Variants in EPB41L4A observed in about 807,000 individuals in gnomAD.
EPB41L4A encodes the protein band 4.1-like protein 4A.
Under a neutral mutation model 108.6 loss-of-function variants are expected in EPB41L4A, and 100 were observed. The ratio of observed to expected loss-of-function variants is 0.92; its 90% CI spans 0.78 to 1.09. The LOEUF (loss-of-function observed/expected upper bound fraction) is 1.09. Among genes scored for constraint, EPB41L4A ranks in the 50% least tolerant of loss-of-function variants. EPB41L4A has a pLI of 0.00. For synonymous variants in EPB41L4A, 319 were observed against 289.0 expected, an observed-to-expected ratio of 1.10 and a Z score of -1.05; for missense variants, 1,030 against 842.7, an observed-to-expected ratio of 1.22 and a Z score of -2.75.
At chr5:112,313,837 G>A (rs372057234) in intron 1 of EPB41L4A, among the ~76,000 whole-genome samples, 2 of 144,598 alleles carry the variant, frequency 1.4e-5, no homozygotes, top group Admixed American at 6.9e-5. Context: ...CTCCCCAACC[G>A]CTCCAAAAAA....
intron 12 of EPB41L4A, among the ~76,000 whole-genome samples, chr5:112,229,324 A>C (rs760145670): frequency 6.6e-6 from 1 of 152,212 alleles, no homozygotes; most frequent in African/African-American, 2.4e-5. Flanking sequence ...GCAAAGTCTA[A>C]AATATTCATT....
chr5:112,369,781 C>T (rs558834459), intron 1 of EPB41L4A, among the ~76,000 whole-genome samples: 1 of 152,276 alleles, frequency 6.6e-6, no homozygotes, highest in South Asian at 2.1e-4. Flanking sequence ...CAGCTGAACA[C>T]AGTCCCCTTG....
intron 1 of EPB41L4A, among the ~76,000 whole-genome samples, chr5:112,352,610 G>A (rs1758116197): frequency 6.6e-6 from 1 of 152,208 alleles, no homozygotes; most frequent in Admixed American, 6.5e-5. Flanking sequence ...TTATTAATGT[G>A]TGAGAATTTA....
chr5:112,254,154 ATT>A (rs1470448990), intron 9 of EPB41L4A, among the ~76,000 whole-genome samples: 2 of 152,160 alleles, frequency 1.3e-5, no homozygotes, highest in African/African-American at 4.8e-5. Flanking sequence ...TCTTTCATTT[ATT>A]TCACAAGTGT....
At chr5:112,323,010 G>C (rs1266888059) in intron 1 of EPB41L4A, among the ~76,000 whole-genome samples, 1 of 128,086 alleles carries the variant, frequency 7.8e-6, no homozygotes, top group East Asian at 3.6e-4. Context: ...AAAGCTATTT[G>C]ATTTCTGAAA....
chr5:112,395,460 GA>G (rs1761266248), intron 1 of EPB41L4A, among the ~76,000 whole-genome samples: 1 of 152,206 alleles, frequency 6.6e-6, no homozygotes, highest in Admixed American at 6.5e-5. Flanking sequence ...CTTCTCAAAA[GA>G]AGACATTTAT....
Position 112,170,807 on chromosome 5 carries a change from C to T in EPB41L4A, c.1670+138G>A. ...GTTAAGGCACCACCACCATGTGCTC[C>T]ATGTGCCTGCCACACACAGTGGCAA... On this transcript the variant is annotated intron_variant, in intron 19 of 22. Transcript: ENST00000261486. The T allele has an allele frequency of 5.5e-6, 4 of 725,934 alleles. No homozygotes were observed. The South Asian group carries it at 7.0e-5, about 13-fold the overall frequency. The allele number at this position is 725,934 out of a possible 1,614,324, so 45.0% of individuals were successfully genotyped here.
intron 15 of EPB41L4A, among the ~76,000 whole-genome samples, chr5:112,198,406 A>G (rs546950846): frequency 2.0e-5 from 3 of 152,264 alleles, no homozygotes; most frequent in African/African-American, 7.2e-5. Context: ...TGCCCCCTCC[A>G]AATCTTTAGA....
intron 2 of EPB41L4A, among the ~76,000 whole-genome samples, chr5:112,287,374 C>T (rs1164762166): frequency 6.6e-6 from 1 of 152,214 alleles, no homozygotes. Context: ...TCTCTTCTAT[C>T]CATCTGCAAA....
intron 1 of EPB41L4A, among the ~76,000 whole-genome samples, chr5:112,387,171 T>C (rs1760603683): frequency 6.6e-6 from 1 of 152,216 alleles, no homozygotes; most frequent in Admixed American, 6.5e-5. Context: ...AGTTCCATCG[T>C]GGCCAGATCC....
chr5:112,314,237 A>G (rs1026059401), intron 1 of EPB41L4A, among the ~76,000 whole-genome samples: 2 of 151,932 alleles, frequency 1.3e-5, no homozygotes, highest in African/African-American at 4.8e-5. Flanking sequence ...TTATATACCA[A>G]TGTGGAAGCT....
intron 1 of EPB41L4A, among the ~76,000 whole-genome samples, chr5:112,389,102 G>A (rs557021335): frequency 4.7e-4 from 71 of 152,068 alleles, no homozygotes; most frequent in African/African-American, 1.4e-3. Flanking sequence ...CAGAAGATTC[G>A]GAGAACAACA....
chr5:112,379,017 G>A lies in EPB41L4A; in HGVS notation c.99+39924C>T, dbSNP rs149508977. 4.6e-3 allele frequency among the ~76,000 whole-genome samples: 708 copies of A among 152,260 alleles called. 2 individuals are homozygous for A. Among genetic ancestry groups the A allele is most frequent in the Middle Eastern group, 0.014 (4 of 294 alleles). On this transcript the variant is annotated intron_variant, in intron 1 of 22. Coordinates refer to ENST00000261486, the MANE Select transcript of EPB41L4A (RefSeq NM_022140.5). ...CAGGTGTCTATGAGCGTGCAGGGGT[G>A]TACAGATGTGCACATACACAAACAC...
intron 15 of EPB41L4A, among the ~76,000 whole-genome samples, chr5:112,202,180 G>A (rs760055078): frequency 3.9e-5 from 6 of 152,080 alleles, no homozygotes; most frequent in African/African-American, 4.8e-5. Flanking sequence ...TTCTTTGTTC[G>A]GCTACAGTGG....
At chr5:112,417,575 T>C (rs1207115736) in intron 1 of EPB41L4A, among the ~76,000 whole-genome samples, 4 of 152,228 alleles carry the variant, frequency 2.6e-5, no homozygotes, top group East Asian at 1.9e-4. Flanking sequence ...CCTGATTTCA[T>C]TGGGCGGGTG....
chr5:112,259,180 C>G, intron 9 of EPB41L4A, 49 bp downstream of exon 9: 2 of 1,381,318 alleles, frequency 1.4e-6, no homozygotes, highest in Admixed American at 3.5e-5. Context: ...TACAAATGAA[C>G]ACACAAGACA....
intron 12 of EPB41L4A, among the ~76,000 whole-genome samples, chr5:112,151,305 A>T (rs1452472987): frequency 6.6e-6 from 1 of 151,364 alleles, no homozygotes; most frequent in African/African-American, 2.4e-5. Context: ...ATAGCCCCTA[A>T]GTGGGGTAAA....
At chr5:112,408,766 G>A (rs78933700) in intron 1 of EPB41L4A, among the ~76,000 whole-genome samples, 5,899 of 132,912 alleles carry the variant, frequency 0.044, 419 homozygotes, top group African/African-American at 0.16. Flanking sequence ...AGTCACCAGA[G>A]AAAAATGCAA....
chr5:112,234,859 C>T, intron 11 of EPB41L4A, 104 bp from the exon 12 acceptor site: 1 of 1,235,204 alleles, frequency 8.1e-7, no homozygotes, highest in Non-Finnish European at 1.1e-6. Context: ...GAAGAAAAAA[C>T]ACACAGACTC....
Sources: allele counts gnomAD v4.1 joint callset (sites outside exome capture counted in the v4.1 genomes callset), GRCh38; gene constraint gnomAD v4.1.1; transcripts MANE v1.5; gene names NCBI Gene and HGNC (gene_info 2026-07-23, HGNC 2026-07-21).